Variants in SEMA5A observed in about 807,000 individuals in gnomAD.
The protein encoded by SEMA5A is semaphorin 5A, also known as semaphorin-5A.
SEMA5A carries 55 observed loss-of-function variants against 135.5 expected under a neutral mutation model. That is an observed-to-expected ratio of 0.41 (90% CI 0.33 to 0.51). The LOEUF (loss-of-function observed/expected upper bound fraction) is 0.51. Ranked by LOEUF, SEMA5A falls within the 20% of genes least tolerant of loss-of-function variation. The pLI is 0.37. For synonymous variants in SEMA5A, 580 were observed against 546.5 expected, an observed-to-expected ratio of 1.06 and a Z score of -0.85; for missense variants, 1,290 against 1,419.9, an observed-to-expected ratio of 0.91 and a Z score of 1.47.
chr5:9,339,127 A>T (rs1380733945), intron 3 of SEMA5A, among the ~76,000 whole-genome samples: 1 of 152,216 alleles, frequency 6.6e-6, no homozygotes, highest in East Asian at 1.9e-4. Context: ...AGGTATGTAC[A>T]AGGCAATGGA....
At chr5:9,519,452 C>T (rs1410935151) in intron 1 of SEMA5A, among the ~76,000 whole-genome samples, 1 of 152,182 alleles carries the variant, frequency 6.6e-6, no homozygotes, top group Admixed American at 6.5e-5. Context: ...CTTTTTATCA[C>T]CAAAATGCAA....
chr5:9,066,667 A>C (rs1379737162), intron 16 of SEMA5A, 21 bp from the exon 17 acceptor site: 11 of 1,608,846 alleles, frequency 6.8e-6, no homozygotes, highest in Non-Finnish European at 9.4e-6. Context: ...TGCGCAGACG[A>C]GTGTTACTAT....
At chr5:9,061,318 C>G (rs1026094444) in intron 18 of SEMA5A, among the ~76,000 whole-genome samples, 3 of 152,188 alleles carry the variant, frequency 2.0e-5, no homozygotes, top group Non-Finnish European at 2.9e-5. Context: ...AATTAACCAA[C>G]TCTTTGTTTC....
At chr5:9,431,453 C>G (rs1757852723) in intron 2 of SEMA5A, among the ~76,000 whole-genome samples, 1 of 152,194 alleles carries the variant, frequency 6.6e-6, no homozygotes, top group South Asian at 2.1e-4. Flanking sequence ...ACTGCTCAGG[C>G]TTTAAACAAA....
chr5:9,383,728 T>A (rs895783689), intron 2 of SEMA5A, among the ~76,000 whole-genome samples: 1 of 152,232 alleles, frequency 6.6e-6, no homozygotes, highest in Non-Finnish European at 1.5e-5. Context: ...CTGCTACCGA[T>A]GAAGGGCATC....
At chr5:9,045,310 G>A (rs1392934142) in intron 21 of SEMA5A, among the ~76,000 whole-genome samples, 1 of 152,190 alleles carries the variant, frequency 6.6e-6, no homozygotes, top group South Asian at 2.1e-4. Context: ...GCTGTGTCCT[G>A]AAAACAAGGG....
At chr5:9,368,363 T>C (rs1418656293) in intron 3 of SEMA5A, among the ~76,000 whole-genome samples, 2 of 152,240 alleles carry the variant, frequency 1.3e-5, no homozygotes, top group African/African-American at 4.8e-5. Flanking sequence ...TTATGCATCC[T>C]CATTTGAGTT....
At chr5:9,351,487 A>G (rs1355690830) in intron 3 of SEMA5A, among the ~76,000 whole-genome samples, 1 of 152,084 alleles carries the variant, frequency 6.6e-6, no homozygotes, top group Non-Finnish European at 1.5e-5. Context: ...TTCAAAATTA[A>G]CATAAGAAGT....
chr5:9,273,607 A>G (rs1191706218), intron 5 of SEMA5A, among the ~76,000 whole-genome samples: 2 of 152,174 alleles, frequency 1.3e-5, no homozygotes, highest in Admixed American at 1.3e-4. Flanking sequence ...CAGGTTACCC[A>G]CAAAGGGAAT....
At chr5:9,268,380 T>C (rs1267928097) in intron 5 of SEMA5A, among the ~76,000 whole-genome samples, 1 of 152,162 alleles carries the variant, frequency 6.6e-6, no homozygotes, top group East Asian at 1.9e-4. Flanking sequence ...TCTGGAAGGA[T>C]GACTGAACAA....
intron 8 of SEMA5A, among the ~76,000 whole-genome samples, chr5:9,224,405 T>TA (rs5865813): frequency 1 from 149,932 of 150,542 alleles, 74,662 homozygotes; most frequent in South Asian, 1. Flanking sequence ...AACAACAATA[T>TA]AAAAAAAAAC....
chr5:9,210,390 A>G (rs1301544012), intron 8 of SEMA5A, among the ~76,000 whole-genome samples: 3 of 152,134 alleles, frequency 2.0e-5, no homozygotes, highest in African/African-American at 7.2e-5. Flanking sequence ...TGTACCCATA[A>G]AGGTCTGCAT....
chr5:9,505,250 C>T (rs989664479), intron 1 of SEMA5A, among the ~76,000 whole-genome samples: 1 of 152,142 alleles, frequency 6.6e-6, no homozygotes, highest in Non-Finnish European at 1.5e-5. Context: ...CTGAATCTAG[C>T]ACTTATTTCT....
At chr5:9,270,881 A>G (rs931840728) in intron 5 of SEMA5A, among the ~76,000 whole-genome samples, 13 of 152,160 alleles carry the variant, frequency 8.5e-5, no homozygotes, top group Non-Finnish European at 1.9e-4. Flanking sequence ...TGTGGGTCAA[A>G]TCCAGCCCAT....
intron 1 of SEMA5A, among the ~76,000 whole-genome samples, chr5:9,458,497 A>G (rs190746504): frequency 3.6e-4 from 55 of 152,322 alleles, no homozygotes; most frequent in Admixed American, 1.0e-3. Context: ...ATCAGCAACA[A>G]GGCAGTTAAG....
chr5:9,384,645 TAGATAGATAGATAG>T (rs1561208091), intron 2 of SEMA5A, among the ~76,000 whole-genome samples: 2 of 99,390 alleles, frequency 2.0e-5, no homozygotes, highest in East Asian at 2.6e-4. Flanking sequence ...GATAGATAGA[TAGATAGATAGATAG>T]ATATAGATAG....
intron 5 of SEMA5A, among the ~76,000 whole-genome samples, chr5:9,265,707 G>T (rs1407476804): frequency 6.6e-6 from 1 of 152,186 alleles, no homozygotes; most frequent in Admixed American, 6.5e-5. Flanking sequence ...GCTAAACCAA[G>T]TTCAAGTGAG....
Position 9,400,583 on chromosome 5 carries a change from T to A in SEMA5A, c.-77-20560A>T, listed in dbSNP as rs1338609391. Among the ~76,000 whole-genome samples the A allele has an allele frequency of 1.8e-5, 2 of 108,160 alleles. 1 individual carries two copies. Among genetic ancestry groups the A allele is most frequent in the Non-Finnish European group, 3.7e-5 (2 of 54,202 alleles). The allele number at this position is 108,160 out of a possible 152,430, so 71.0% of individuals were successfully genotyped here. A position where few individuals can be genotyped will look rare whatever the true frequency, so the allele number is the denominator to read the frequency against. On this transcript the variant is annotated intron_variant, in intron 2 of 22. Coordinates refer to ENST00000382496, the MANE Select transcript of SEMA5A (RefSeq NM_003966.3). ...GTGCAGTGGCGGGATCTCGGCTCAC[T>A]GCAAGCTCCGCCTCCCGGGTTCACG...
chr5:9,330,217 C>T (rs1469165945), intron 4 of SEMA5A, among the ~76,000 whole-genome samples: 1 of 151,758 alleles, frequency 6.6e-6, no homozygotes. Context: ...GGTGAAACCC[C>T]GCCTCTACTA....
Sources: allele counts gnomAD v4.1 joint callset (sites outside exome capture counted in the v4.1 genomes callset), GRCh38; gene constraint gnomAD v4.1.1; transcripts MANE v1.5; gene names NCBI Gene and HGNC (gene_info 2026-07-23, HGNC 2026-07-21).